LRP4: variants seen among roughly 807,000 people sequenced by gnomAD.
LRP4 encodes the protein low-density lipoprotein receptor-related protein 4.
In LRP4, 95 loss-of-function variants were observed where a neutral mutation model predicts 220.3. The ratio of observed to expected loss-of-function variants is 0.43; its 90% CI spans 0.37 to 0.51. The LOEUF is 0.51. Among genes scored for constraint, LRP4 ranks in the 20% least tolerant of loss-of-function variants. The probability of loss-of-function intolerance (pLI) is 0.00; values close to 1 mark genes in which losing one functional copy is unlikely to be tolerated. For missense variants in LRP4, 1,925 were observed against 2,567.0 expected, an observed-to-expected ratio of 0.75 and a Z score of 5.40; for synonymous variants, 903 against 954.6, an observed-to-expected ratio of 0.95 and a Z score of 1.00.
intron 34 of LRP4, 135 bp downstream of exon 34, chr11:46,867,844 T>A: frequency 9.8e-7 from 1 of 1,025,538 alleles, no homozygotes; most frequent in Non-Finnish European, 1.5e-6. Flanking sequence ...TATCACCTTC[T>A]GTCCCAAATA....
At chr11:46,893,237 A>G (rs931569767) in intron 12 of LRP4, 108 bp from the exon 13 acceptor site, 13 of 1,040,770 alleles carry the variant, frequency 1.2e-5, no homozygotes, top group Middle Eastern at 2.0e-4. Context: ...GCCAGGCACT[A>G]TTGTCATCAC....
At position 46,895,898 on chromosome 11, in the gene LRP4, C is replaced by A. The variant is rs1396772380; in HGVS notation, c.1169G>T (p.Gly390Val). The change falls in exon 10 of 38, where the codon GGG becomes GTG. Residue 390 changes from glycine (G) to valine (V), a missense_variant. Transcript: ENST00000378623. ...CCCCAGCTCACCTTGGCACGTGTGC[C>A]CATCCTCTGTGAGCCGGTAGCCTGT... Reference protein sequence around the residue: ...CHTGYRLTEDGHTCQDVNECA... With the variant: ...CHTGYRLTEDVHTCQDVNECA... 6.2e-7 allele frequency: 1 copy of A among 1,613,144 alleles called. No homozygotes were observed. The highest frequency in any genetic ancestry group is 8.5e-7 in the Non-Finnish European group (1 of 1,179,982).
At position 46,865,165 on chromosome 11, in the gene LRP4, C is replaced by A. The variant is rs1441344633; in HGVS notation, c.5109G>T (p.Arg1703Ser). 7.1e-6 allele frequency: 11 copies of A among 1,558,152 alleles called. No homozygotes were observed. The highest frequency in any genetic ancestry group is 8.7e-6 in the Non-Finnish European group (10 of 1,150,146). ...CATTGGAACGTGCACAGAGGCCCAG[C>A]CTGGCATCCCTTTCAGAGCATCTGT... is the stretch of plus-strand genomic sequence containing the variant. The part of the protein sequence containing the change: ...VEGRCSERDA[R>S]LGLCARSNDA... The change falls in exon 35 of 38, where the codon AGG becomes AGT. Residue 1703 changes from arginine to serine, a missense_variant. Physicochemically the swap from Arg to Ser is moderately radical, Grantham distance 110. Around this residue, in one of 3 missense-constraint regions of LRP4, gnomAD observed 1,244 missense variants for 1,624.9 expected, o/e 0.77. Transcript: ENST00000378623.
chr11:46,875,897 G>C lies in LRP4; in HGVS notation c.3606C>G (p.Arg1202=). The C allele has an allele frequency of 6.2e-7, 1 of 1,614,084 alleles. No homozygotes were observed. Among genetic ancestry groups the C allele is most frequent in the Non-Finnish European group, 8.5e-7 (1 of 1,180,006 alleles). The change falls in exon 26 of 38, where the codon CGC becomes CGG. Residue 1202 remains arginine, a synonymous_variant. Coordinates refer to ENST00000378623, the MANE Select transcript of LRP4 (RefSeq NM_002334.4). This position sits in a 1 kb window ranked among gnomAD's most constrained non-coding sequence, Gnocchi z 4.5. ...LERSGMDGSD[R]AVLINNNLGW... ...CTAGGTTGTTGTTGATGAGCACCGC[G>C]CGGTCTGAGCCATCCATTCCGGACC...
chr11:46,874,520 G>A (rs1940958208), intron 28 of LRP4: 1 of 443,988 alleles, frequency 2.3e-6, no homozygotes, highest in African/African-American at 2.0e-5. Flanking sequence ...GCTCCCTCAG[G>A]GCACAATGGT....
Position 46,873,667 on chromosome 11 carries a change from A to T in LRP4, c.4230-74T>A, listed in dbSNP as rs1456995360. 1.4e-5 allele frequency: 17 copies of T among 1,250,178 alleles called. No individual in the cohort carries two copies. The South Asian group carries it at 2.0e-4, about 15-fold the overall frequency. The allele number at this position is 1,250,178 out of a possible 1,614,324, so 77.4% of individuals were successfully genotyped here. On this transcript the variant is annotated intron_variant, in intron 28 of 37. Coordinates refer to ENST00000378623, the MANE Select transcript of LRP4 (RefSeq NM_002334.4). The surrounding 1 kb of genome is among the most constrained non-coding windows in gnomAD (Gnocchi z 4.2). Reference sequence around the variant, plus strand: ...GAGTAGAACTTTAACCCATGTTCCCATAACTGGACCCCACTGAACTGTAAG... The same window carrying T: ...GAGTAGAACTTTAACCCATGTTCCCTTAACTGGACCCCACTGAACTGTAAG...
rs759069056 is a variant in LRP4 at position 46,890,016 on chromosome 11, G to T, written c.2020C>A (p.Gln674Lys). Reference protein sequence around the residue: ...NSANKFTGKNQEIIRNKLHFP... With the variant: ...NSANKFTGKNKEIIRNKLHFP... ...TGGAGTTTGTTGCGAATGATTTCCT[G>T]GTTCTTCCCCGTAAATTTGTTAGCG... The change falls in exon 15 of 38, where the codon CAG (glutamine) becomes AAG (lysine). Residue 674 changes from glutamine (Q) to lysine (K), a missense_variant. Gln to Lys is a moderately conservative substitution (Grantham distance 53). Transcript: ENST00000378623. This position sits in a 1 kb window ranked among gnomAD's most constrained non-coding sequence, Gnocchi z 5.3. The T allele has an allele frequency of 1.2e-6, 2 of 1,614,130 alleles. No homozygotes were observed. Among genetic ancestry groups the T allele is most frequent in the Non-Finnish European group, 1.7e-6 (2 of 1,180,020 alleles).
At chr11:46,903,053 A>G (rs1941697560) in intron 1 of LRP4, 124 bp from the exon 2 acceptor site, 6 of 1,153,016 alleles carry the variant, frequency 5.2e-6, no homozygotes, top group Non-Finnish European at 7.6e-6. Flanking sequence ...GTGACACTTC[A>G]AGGGAGATGC....
intron 10 of LRP4, 59 bp downstream of exon 10, chr11:46,895,825 G>A: frequency 6.2e-7 from 1 of 1,601,868 alleles, no homozygotes; most frequent in Non-Finnish European, 8.5e-7. Context: ...AAACACAGCT[G>A]CCTGTCTGCT....
At chr11:46,888,129 C>G (rs1189217405) in intron 16 of LRP4, among the ~76,000 whole-genome samples, 1 of 151,382 alleles carries the variant, frequency 6.6e-6, no homozygotes, top group Non-Finnish European at 1.5e-5. Flanking sequence ...CAAGACCAGC[C>G]TGACCAACAT....
intron 1 of LRP4, among the ~76,000 whole-genome samples, chr11:46,906,433 G>A (rs1941761286): frequency 6.6e-6 from 1 of 151,276 alleles, no homozygotes; most frequent in Admixed American, 6.6e-5. Flanking sequence ...TGCAGCCTGG[G>A]CAACACAGCG....
At chr11:46,895,820 C>T (rs1177496772) in intron 10 of LRP4, 64 bp downstream of exon 10, 15 of 1,600,816 alleles carry the variant, frequency 9.4e-6, no homozygotes, top group African/African-American at 4.0e-5. Context: ...ATAGGAAACA[C>T]AGCTGCCTGT....
intron 35 of LRP4, 141 bp downstream of exon 35, chr11:46,864,978 A>G (rs1940656087): frequency 1.3e-6 from 1 of 781,464 alleles, no homozygotes; most frequent in African/African-American, 1.7e-5. Flanking sequence ...GGTGAGAGCT[A>G]TTATGATTAT....
chr11:46,879,990 A>C (rs1941112972), intron 20 of LRP4, among the ~76,000 whole-genome samples: 1 of 152,206 alleles, frequency 6.6e-6, no homozygotes, highest in African/African-American at 2.4e-5. Flanking sequence ...CTATAATCCC[A>C]GCTACTTGGG....
intron 34 of LRP4, among the ~76,000 whole-genome samples, chr11:46,867,232 T>G (rs1316818787): frequency 6.6e-6 from 1 of 151,878 alleles, no homozygotes; most frequent in Non-Finnish European, 1.5e-5. Context: ...GTGTGTGTGT[T>G]GCGGGGGGGT....
In LRP4 at chr11:46,875,495, G is replaced by C. The variant is rs1940988471; in HGVS notation, c.3886C>G (p.Leu1296Val). 6.2e-7 allele frequency: 1 copy of C among 1,614,042 alleles called. No homozygotes were observed. The change falls in exon 27 of 38, where the codon CTC (leucine) becomes GTC (valine). Residue 1296 changes from leucine (L) to valine (V), a missense_variant. By Grantham distance (32) the Leu-to-Val change is conservative. This residue lies in a region of LRP4 where 1,244 missense variants were observed against 1,624.9 expected (regional missense o/e 0.77). Coordinates refer to ENST00000378623, the MANE Select transcript of LRP4 (RefSeq NM_002334.4). The surrounding 1 kb of genome is among the most constrained non-coding windows in gnomAD (Gnocchi z 4.5). ...VILVRSNLPG[L>V]MDMQAVDRAQ... is the part of the protein sequence containing the mutation. ...CGGTCCACAGCCTGCATGTCCATGA[G>C]GCCTGGCAGGTTGGACCTCACGAGG...
intron 1 of LRP4, among the ~76,000 whole-genome samples, chr11:46,915,942 G>A (rs963242680): frequency 1.3e-5 from 2 of 152,112 alleles, no homozygotes; most frequent in African/African-American, 4.8e-5. Flanking sequence ...AGATGTTTTG[G>A]TGGTATTTTT....
At chr11:46,860,995 GGAA>G in intron 37 of LRP4, 1 of 981,122 alleles carries the variant, frequency 1.0e-6, no homozygotes, top group Non-Finnish European at 1.2e-6. Context: ...GAGCTGCTGA[GGAA>G]GAAACACACA....
Position 46,885,154 on chromosome 11 carries a change from T to TA in LRP4, c.2506+936dup, listed in dbSNP as rs1260159311. On this transcript the variant is annotated intron_variant, in intron 18 of 37. Transcript: ENST00000378623. ...GTATGTGCCATTACACCAGGCTAAT[T>TA]AAAAAAAAAAATTGGGGATGTGTGT... 6.9e-4 allele frequency among the ~76,000 whole-genome samples: 103 copies of TA among 149,148 alleles called. 1 individual carries two copies. Among genetic ancestry groups the TA allele is most frequent in the Non-Finnish European group, 1.3e-3 (89 of 67,056 alleles).
Sources: gnomAD v4.1 joint callset for allele counts (sites outside exome capture counted in the v4.1 genomes callset) on GRCh38, gnomAD v4.1.1 for gene constraint, gnomAD v4.1.1 regional missense constraint, Gnocchi (gnomAD v3.1) non-coding constraint, MANE v1.5 for transcripts, NCBI Gene and HGNC (gene_info 2026-07-23, HGNC 2026-07-21) for gene names.